The following KCNJ6 variants were observed in gnomAD, a reference collection of about 807,000 sequenced individuals.
KCNJ6 encodes the protein G protein-activated inward rectifier potassium channel 2.
KCNJ6 carries 9 observed loss-of-function variants against 34.2 expected under a neutral mutation model. The ratio of observed to expected loss-of-function variants is 0.26; its 90% CI spans 0.16 to 0.46. The LOEUF (loss-of-function observed/expected upper bound fraction) is 0.46. Ranked by LOEUF, KCNJ6 falls within the 20% of genes least tolerant of loss-of-function variation. The probability of loss-of-function intolerance (pLI) is 1.00; values close to 1 mark genes in which losing one functional copy is unlikely to be tolerated. For missense variants in KCNJ6, 236 were observed against 531.3 expected, an observed-to-expected ratio of 0.44 and a Z score of 5.46; for synonymous variants, 196 against 207.1, an observed-to-expected ratio of 0.95 and a Z score of 0.46.
At chr21:37,786,612 C>T (rs1231232244) in intron 2 of KCNJ6, among the ~76,000 whole-genome samples, 1 of 152,202 alleles carries the variant, frequency 6.6e-6, no homozygotes, top group Non-Finnish European at 1.5e-5. Context: ...CAAATGGTTC[C>T]ACTTTTCTGC....
intron 2 of KCNJ6, among the ~76,000 whole-genome samples, chr21:37,837,989 G>C (rs1036810433): frequency 6.6e-6 from 1 of 152,148 alleles, no homozygotes; most frequent in African/African-American, 2.4e-5. Flanking sequence ...ATAATTTGCT[G>C]TATCTTTGTA....
In KCNJ6 at chr21:37,704,446, C is replaced by T. The variant is rs548628578; in HGVS notation, c.946+9765G>A. On this transcript the variant is annotated intron_variant, in intron 3 of 3. Coordinates refer to ENST00000609713, the MANE Select transcript of KCNJ6 (RefSeq NM_002240.5). ...ATGGAGCCTTAGTCTATTTTAGACT[C>T]AGTCTCTACAGTCTAGCCATCTCAG... Among the ~76,000 whole-genome samples, 9 of 152,308 alleles carry T rather than the reference C, an allele frequency of 5.9e-5. No individual in the cohort carries two copies. In the East Asian group the frequency reaches 1.7e-3, roughly 29 times the overall value.
At chr21:37,825,861 TCTTGTAAGA>T (rs2055396533) in intron 2 of KCNJ6, among the ~76,000 whole-genome samples, 1 of 152,108 alleles carries the variant, frequency 6.6e-6, no homozygotes, top group South Asian at 2.1e-4. Flanking sequence ...AATCATCAGA[TCTTGTAAGA>T]CTTATTCACT....
intron 2 of KCNJ6, among the ~76,000 whole-genome samples, chr21:37,756,666 T>TGAGCACTCCCTCACAGATTCCAGCCC (rs2055027816): frequency 1.8e-5 from 1 of 56,856 alleles, no homozygotes; most frequent in African/African-American, 6.1e-5. Flanking sequence ...GATTCCAGCC[T>TGAGCACTCCCTCACAGATTCCAGCCC]GGAGTGAGCA....
chr21:37,793,379 G>T (rs781158053), intron 2 of KCNJ6, among the ~76,000 whole-genome samples: 1 of 152,092 alleles, frequency 6.6e-6, no homozygotes, highest in African/African-American at 2.4e-5. Context: ...TTCAGCCTTC[G>T]GCTGAGATGC....
intron 2 of KCNJ6, among the ~76,000 whole-genome samples, chr21:37,771,789 A>G (rs2055118899): frequency 6.6e-6 from 1 of 152,246 alleles, no homozygotes; most frequent in Non-Finnish European, 1.5e-5. Context: ...TTCCCAAAGT[A>G]TGCTTTTTTC....
At position 37,765,339 on chromosome 21, in the gene KCNJ6, G is replaced by T. The variant is rs368870230; in HGVS notation, c.26-50208C>A. 1.4e-3 allele frequency among the ~76,000 whole-genome samples: 206 copies of T among 152,292 alleles called. 1 individual carries two copies. Among genetic ancestry groups the T allele is most frequent in the African/African-American group, 4.7e-3 (197 of 41,570 alleles). On this transcript the variant is annotated intron_variant, in intron 2 of 3. Transcript: ENST00000609713. Reference sequence around the variant, plus strand: ...CAAAACCAGTTTGGCTTGTTTTATTGTTCTGTCGATGATCAAGATCAGTGG... The same window carrying T: ...CAAAACCAGTTTGGCTTGTTTTATTTTTCTGTCGATGATCAAGATCAGTGG...
Position 37,623,789 on chromosome 21 carries a change from G to A in KCNJ6, c.*1370C>T, listed in dbSNP as rs901787348. ...CATCAAGATTGTTGATCTAATCTTT[G>A]AATACTGAACTCTGGTCATTTCAAA... On this transcript the variant is annotated 3_prime_UTR_variant, in exon 4 of 4. Transcript: ENST00000609713. 3.9e-5 allele frequency: 6 copies of A among 152,122 alleles called. No homozygotes were observed. Among genetic ancestry groups the A allele is most frequent in the African/African-American group, 1.4e-4 (6 of 41,432 alleles). The allele number at this position is 152,122 out of a possible 1,614,324, so 9.4% of individuals were successfully genotyped here.
intron 2 of KCNJ6, among the ~76,000 whole-genome samples, chr21:37,765,684 C>A (rs1001297948): frequency 4.6e-5 from 7 of 152,138 alleles, no homozygotes; most frequent in African/African-American, 9.7e-5. Flanking sequence ...TACAAAAAAA[C>A]CCCTGAAGCC....
chr21:37,801,881 T>C (rs959068389), intron 2 of KCNJ6, among the ~76,000 whole-genome samples: 4 of 152,172 alleles, frequency 2.6e-5, no homozygotes, highest in African/African-American at 9.7e-5. Flanking sequence ...TATCTCAACA[T>C]TATTCCCCCC....
At chr21:37,656,044 C>T (rs1034447271) in intron 3 of KCNJ6, among the ~76,000 whole-genome samples, 5 of 152,240 alleles carry the variant, frequency 3.3e-5, no homozygotes, top group Admixed American at 2.0e-4. Flanking sequence ...TTTTGCATCA[C>T]CATGGTGCTG....
chr21:37,735,244 G>A (rs998015401), intron 2 of KCNJ6, among the ~76,000 whole-genome samples: 4 of 152,178 alleles, frequency 2.6e-5, no homozygotes, highest in African/African-American at 9.7e-5. Flanking sequence ...AGACTCTGTT[G>A]CTAGACTCAG....
intron 2 of KCNJ6, among the ~76,000 whole-genome samples, chr21:37,765,450 T>TG (rs2055086245): frequency 6.6e-6 from 1 of 152,104 alleles, no homozygotes; most frequent in Non-Finnish European, 1.5e-5. Flanking sequence ...AGGGTAGGGG[T>TG]GCTCCTGGCA....
chr21:37,833,426 G>A (rs187286700), intron 2 of KCNJ6, among the ~76,000 whole-genome samples: 10 of 152,240 alleles, frequency 6.6e-5, no homozygotes, highest in African/African-American at 1.9e-4. Context: ...GAAGTTAGGC[G>A]AGGTTATTGA....
intron 3 of KCNJ6, among the ~76,000 whole-genome samples, chr21:37,654,600 A>G (rs142944553): frequency 2.6e-4 from 40 of 152,178 alleles, no homozygotes; most frequent in African/African-American, 7.9e-4. Context: ...GGGCCTGCCC[A>G]TGCTGTTCCT....
intron 3 of KCNJ6, among the ~76,000 whole-genome samples, chr21:37,712,903 G>GAAGCA (rs1450026720): frequency 2.0e-5 from 3 of 151,610 alleles, no homozygotes; most frequent in Non-Finnish European, 4.4e-5. Context: ...GTCTTATTTT[G>GAAGCA]CAACAGTGAC....
At chr21:37,781,552 G>A (rs1005592622) in intron 2 of KCNJ6, among the ~76,000 whole-genome samples, 1 of 152,196 alleles carries the variant, frequency 6.6e-6, no homozygotes, top group Non-Finnish European at 1.5e-5. Flanking sequence ...AAATTATGAT[G>A]ATGAGGAACA....
At chr21:37,913,348 C>T (rs2055876047) in intron 1 of KCNJ6, among the ~76,000 whole-genome samples, 1 of 152,170 alleles carries the variant, frequency 6.6e-6, no homozygotes, top group Non-Finnish European at 1.5e-5. Flanking sequence ...ACGACTGCAA[C>T]CTAGGAAATG....
At chr21:37,861,977 G>A (rs1480035240) in intron 1 of KCNJ6, among the ~76,000 whole-genome samples, 1 of 152,140 alleles carries the variant, frequency 6.6e-6, no homozygotes, top group African/African-American at 2.4e-5. Flanking sequence ...TCAGTCAAGT[G>A]GGTGGCTCAA....
Sources: gnomAD v4.1 joint callset for allele counts (sites outside exome capture counted in the v4.1 genomes callset) on GRCh38, gnomAD v4.1.1 for gene constraint, MANE v1.5 for transcripts, NCBI Gene and HGNC (gene_info 2026-07-23, HGNC 2026-07-21) for gene names.